Variants in LDHAL6A observed in about 807,000 individuals in gnomAD.
The protein encoded by LDHAL6A is lactate dehydrogenase A like 6A.
Under a neutral mutation model 28.2 loss-of-function variants are expected in LDHAL6A, and 19 were observed. The observed-to-expected ratio is 0.67, with a 90% confidence interval of 0.47 to 0.99. The LOEUF (loss-of-function observed/expected upper bound fraction) is 0.99. LDHAL6A is among the 50% of genes least tolerant of loss of function. The probability of loss-of-function intolerance (pLI) is 0.00; values close to 1 mark genes in which losing one functional copy is unlikely to be tolerated. For missense variants in LDHAL6A, 372 were observed against 398.6 expected (o/e 0.93, Z 0.57); for synonymous variants, 144 against 134.4 (o/e 1.07, Z -0.49).
Position 18,476,470 on chromosome 11 carries a change from T to G in LDHAL6A, c.679T>G (p.Trp227Gly), listed in dbSNP as rs547574042. ...DIGTDKDPEQWENVHKKVISS... is the reference protein window; with the variant it reads ...DIGTDKDPEQGENVHKKVISS... ...AGGAACTGATAAAGATCCTGAGCAG[T>G]GGGAAAATGTCCACAAAAAAGTGAT... is the stretch of plus-strand genomic sequence containing the variant. The change falls in exon 5 of 7, where the codon TGG (tryptophan) becomes GGG (glycine). Residue 227 changes from tryptophan (W) to glycine (G), a missense_variant. This residue lies in a region of LDHAL6A where 291 missense variants were observed against 302.9 expected (regional missense o/e 0.96). Coordinates refer to ENST00000280706, the MANE Select transcript of LDHAL6A (RefSeq NM_144972.5). The G allele has an allele frequency of 6.2e-7, 1 of 1,613,920 alleles. No individual in the cohort carries two copies. The highest frequency in any genetic ancestry group is 2.2e-5 in the East Asian group (1 of 44,860).
chr11:18,464,977 G>GTTTTTTTTGTTTT (rs1849016188), intron 2 of LDHAL6A, among the ~76,000 whole-genome samples: 20 of 125,478 alleles, frequency 1.6e-4, no homozygotes, highest in African/African-American at 4.4e-4. Context: ...TGTTTTTTTT[G>GTTTTTTTTGTTTT]TTTTTTTTTG....
At chr11:18,465,860 G>C in intron 3 of LDHAL6A, 50 bp downstream of exon 3, 2 of 1,433,980 alleles carry the variant, frequency 1.4e-6, no homozygotes, top group Non-Finnish European at 9.7e-7. Context: ...GGGGTACACT[G>C]TGTAGGTTCA....
intron 3 of LDHAL6A, among the ~76,000 whole-genome samples, chr11:18,471,140 A>T (rs915985240): frequency 6.6e-6 from 1 of 152,090 alleles, no homozygotes; most frequent in Non-Finnish European, 1.5e-5. Flanking sequence ...TATGTTAAAT[A>T]TTAATTTATC....
chr11:18,477,059 T>A (rs1325601804), intron 5 of LDHAL6A, among the ~76,000 whole-genome samples: 5 of 148,896 alleles, frequency 3.4e-5, no homozygotes, highest in African/African-American at 5.0e-5. Context: ...ACAAAAAAAA[T>A]AAAAAATTAG....
Position 18,477,465 on chromosome 11 carries a change from G to GA in LDHAL6A, c.711-153dup, listed in dbSNP as rs375760955. ...CAGAGCAAGACTTAAAAAAAAAAAA[G>GA]AAGAAAGAAAAAATGCATACATACT... On this transcript the variant is annotated intron_variant, in intron 5 of 6. Coordinates refer to ENST00000280706, the MANE Select transcript of LDHAL6A (RefSeq NM_144972.5). 4.1e-5 allele frequency among the ~76,000 whole-genome samples: 6 copies of GA among 146,674 alleles called. No individual in the cohort carries two copies. In the East Asian group the frequency reaches 1.1e-3, roughly 26 times the overall value.
intron 6 of LDHAL6A, 138 bp downstream of exon 6, chr11:18,477,881 A>T: frequency 1.4e-6 from 1 of 715,976 alleles, no homozygotes; most frequent in Non-Finnish European, 2.2e-6. Flanking sequence ...GCTGCTGAAG[A>T]GTGGGGAGAT....
chr11:18,465,386 G>T (rs112264457), intron 2 of LDHAL6A, among the ~76,000 whole-genome samples: 22 of 150,708 alleles, frequency 1.5e-4, no homozygotes, highest in African/African-American at 5.1e-4. Flanking sequence ...ACCTCCCAAA[G>T]TGCTGGGATT....
chr11:18,457,100 A>G (rs1848779326), intron 1 of LDHAL6A, among the ~76,000 whole-genome samples: 1 of 152,206 alleles, frequency 6.6e-6, no homozygotes, highest in Admixed American at 6.5e-5. Context: ...CAGCTCACAA[A>G]ACAAACTGGA....
chr11:18,478,387 A>C (rs561981337), intron 6 of LDHAL6A, among the ~76,000 whole-genome samples: 2 of 152,098 alleles, frequency 1.3e-5, no homozygotes, highest in Non-Finnish European at 2.9e-5. Flanking sequence ...AAATATGTCT[A>C]ATCATGTTTT....
intron 4 of LDHAL6A, 162 bp downstream of exon 4, chr11:18,475,801 A>G: frequency 1.9e-6 from 1 of 519,614 alleles, no homozygotes; most frequent in Non-Finnish European, 3.3e-6. Context: ...AAAATAACCA[A>G]CAAAAAATAC....
chr11:18,470,155 C>T lies in LDHAL6A; in HGVS notation c.418+4345C>T, dbSNP rs142266357. On this transcript the variant is annotated intron_variant, in intron 3 of 6. Coordinates refer to ENST00000280706, the MANE Select transcript of LDHAL6A (RefSeq NM_144972.5). ...TGTTAGGCTGGTCTTGAACTCCTGG[C>T]ATCAAATGATCTGCCTGCCTTGGCC... 5.7e-3 allele frequency among the ~76,000 whole-genome samples: 874 copies of T among 152,340 alleles called. 6 individuals carry two copies. Among genetic ancestry groups the T allele is most frequent in the South Asian group, 0.01 (50 of 4,828 alleles).
Position 18,456,826 on chromosome 11 carries a change from CCA to C in LDHAL6A, c.126+23_126+24del. ...TTAAAAGTAAGTTGTGTGCTCTGCA[CCA>C]CAGGGTTCACCTCAGTTGGAGGCGA... On this transcript the variant is annotated intron_variant, in intron 1 of 6. Coordinates refer to ENST00000280706, the MANE Select transcript of LDHAL6A (RefSeq NM_144972.5). 2 of 1,606,212 alleles carry C rather than the reference CCA, an allele frequency of 1.2e-6. No individual in the cohort carries two copies. Among genetic ancestry groups the C allele is most frequent in the South Asian group, 2.2e-5 (2 of 89,766 alleles).
intron 1 of LDHAL6A, among the ~76,000 whole-genome samples, chr11:18,461,548 A>G (rs1053212584): frequency 6.6e-6 from 1 of 152,128 alleles, no homozygotes. Flanking sequence ...AAGGTAATAC[A>G]TTTACAAGAT....
At chr11:18,467,964 T>TAC (rs1849138437) in intron 3 of LDHAL6A, among the ~76,000 whole-genome samples, 1 of 19,614 alleles carries the variant, frequency 5.1e-5, no homozygotes, top group Non-Finnish European at 1.2e-4. Context: ...TACGTATATA[T>TAC]ATACGTATAT....
At chr11:18,468,067 A>ATACG (rs1554967545) in intron 3 of LDHAL6A, among the ~76,000 whole-genome samples, 1 of 115,592 alleles carries the variant, frequency 8.7e-6, no homozygotes, top group Non-Finnish European at 1.7e-5. Flanking sequence ...ATATACATAT[A>ATACG]TATATATATA....
Position 18,463,982 on chromosome 11 carries a change from C to T in LDHAL6A, c.148C>T (p.Leu50Phe), listed in dbSNP as rs1391929787. 3 of 1,613,252 alleles carry T rather than the reference C, an allele frequency of 1.9e-6. No individual in the cohort carries two copies. The East Asian group carries it at 6.7e-5, about 36-fold the overall frequency. Residue 50 changes from leucine (L) to phenylalanine (F), a missense_variant, in exon 2 of 7, where the codon CTT becomes TTT. Transcript: ENST00000280706. ...TCAGGGTTTGAGTGATGAACTTGTC[C>T]TTGTGGATGTTGATGAAGGCAAACT... ...LLKGLSDELV[L>F]VDVDEGKLKG...
In LDHAL6A at chr11:18,455,906, GC is replaced by G. The variant is rs1848739824; in HGVS notation, c.-773del. 5 of 151,962 alleles carry G rather than the reference GC, an allele frequency of 3.3e-5. No individual in the cohort carries two copies. The highest frequency in any genetic ancestry group is 1.2e-4 in the African/African-American group (5 of 41,306). 9.4% of individuals were successfully genotyped at this position (151,962 alleles called of 1,614,324 possible). On this transcript the variant is annotated 5_prime_UTR_variant, in exon 1 of 7. Transcript: ENST00000280706. ...ATCACACCTGCCAAGCATCACACCTGCCAAGCATCACACCTGCCAAGCATCA... is the reference window on the plus strand; with the variant it reads ...ATCACACCTGCCAAGCATCACACCTGCAAGCATCACACCTGCCAAGCATCA...
At chr11:18,477,551 A>G (rs1201836541) in intron 5 of LDHAL6A, 69 bp from the exon 6 acceptor site, 1 of 1,437,950 alleles carries the variant, frequency 7.0e-7, no homozygotes. Context: ...TGTTAGATAC[A>G]TTGCTACAAA....
intron 3 of LDHAL6A, 177 bp from the exon 4 acceptor site, chr11:18,475,289 C>A (rs775775276): frequency 1.9e-6 from 1 of 527,956 alleles, no homozygotes; most frequent in Non-Finnish European, 3.4e-6. Context: ...AAAGGTTTTT[C>A]ATTACTTCTA....
Sources: allele counts gnomAD v4.1 joint callset (sites outside exome capture counted in the v4.1 genomes callset), GRCh38; gene constraint gnomAD v4.1.1; regional missense constraint gnomAD v4.1.1; transcripts MANE v1.5; gene names NCBI Gene and HGNC (gene_info 2026-07-23, HGNC 2026-07-21).